Variants in FSIP1 observed in about 807,000 individuals in gnomAD.
FSIP1 encodes fibrous sheath-interacting protein 1.
Under a neutral mutation model 60.9 loss-of-function variants are expected in FSIP1, and 65 were observed. The ratio of observed to expected loss-of-function variants is 1.07; its 90% CI spans 0.87 to 1.31. The LOEUF (loss-of-function observed/expected upper bound fraction) is 1.31, where lower values mean the gene tolerates loss of function less well. FSIP1 is among the 40% of genes most tolerant of loss of function. The probability of loss-of-function intolerance (pLI) is 0.00; values close to 1 mark genes in which losing one functional copy is unlikely to be tolerated. For missense variants in FSIP1, 675 were observed against 665.5 expected, an observed-to-expected ratio of 1.01 and a Z score of -0.16; for synonymous variants, 209 against 221.2, an observed-to-expected ratio of 0.94 and a Z score of 0.49.
intron 9 of FSIP1, among the ~76,000 whole-genome samples, chr15:39,722,208 G>C (rs1052480468): frequency 1.3e-5 from 2 of 151,930 alleles, no homozygotes; most frequent in African/African-American, 2.4e-5. Flanking sequence ...TTCCTTATGA[G>C]AATCTAATAC....
chr15:39,730,535 A>C (rs1325240120), intron 8 of FSIP1, among the ~76,000 whole-genome samples: 1 of 152,220 alleles, frequency 6.6e-6, no homozygotes, highest in Admixed American at 6.5e-5. Context: ...CCTAGGTGAT[A>C]ATCAGAGGCA....
At chr15:39,740,894 T>C (rs866831727) in intron 6 of FSIP1, among the ~76,000 whole-genome samples, 1 of 152,188 alleles carries the variant, frequency 6.6e-6, no homozygotes, top group East Asian at 1.9e-4. Flanking sequence ...TATAAGCTTA[T>C]AACTTAAGTT....
At chr15:39,740,327 G>C (rs1472424781) in intron 6 of FSIP1, among the ~76,000 whole-genome samples, 2 of 152,094 alleles carry the variant, frequency 1.3e-5, no homozygotes, top group East Asian at 3.9e-4. Context: ...ATCTCAGTTG[G>C]CCAATTTTCC....
chr15:39,685,596 A>G (rs1012167808), intron 10 of FSIP1, among the ~76,000 whole-genome samples: 4 of 152,188 alleles, frequency 2.6e-5, no homozygotes, highest in African/African-American at 4.8e-5. Flanking sequence ...ATATGTTTCA[A>G]TTCTGGGTTA....
intron 8 of FSIP1, among the ~76,000 whole-genome samples, chr15:39,736,542 G>A (rs146767653): frequency 3.9e-5 from 6 of 152,304 alleles, no homozygotes; most frequent in East Asian, 1.9e-4. Context: ...GAGGATCCAG[G>A]CAGGCCTGGC....
intron 11 of FSIP1, 48 bp downstream of exon 11, chr15:39,617,687 G>A: frequency 1.3e-6 from 2 of 1,503,004 alleles, no homozygotes; most frequent in Non-Finnish European, 1.8e-6. Context: ...TTTATATTGA[G>A]GTGCTTTTAA....
intron 10 of FSIP1, among the ~76,000 whole-genome samples, chr15:39,685,750 TC>T (rs1244316955): frequency 6.6e-6 from 1 of 152,218 alleles, no homozygotes; most frequent in African/African-American, 2.4e-5. Context: ...TGATCTTTTT[TC>T]TTCTACAGCA....
intron 10 of FSIP1, among the ~76,000 whole-genome samples, chr15:39,622,541 T>C (rs976562701): frequency 1.3e-5 from 2 of 152,248 alleles, no homozygotes; most frequent in Non-Finnish European, 2.9e-5. Flanking sequence ...AGAATAATAA[T>C]AAATAGGTAG....
chr15:39,707,590 A>G (rs1333326996), intron 10 of FSIP1, among the ~76,000 whole-genome samples: 1 of 152,176 alleles, frequency 6.6e-6, no homozygotes, highest in Non-Finnish European at 1.5e-5. Context: ...AAACAAGCTT[A>G]TGTAAATGCC....
chr15:39,717,213 T>C (rs1895776553), intron 9 of FSIP1, among the ~76,000 whole-genome samples: 1 of 152,070 alleles, frequency 6.6e-6, no homozygotes, highest in Non-Finnish European at 1.5e-5. Flanking sequence ...ACTAAAGCCT[T>C]GTACACAAAT....
At chr15:39,677,565 ATCT>A in intron 10 of FSIP1, among the ~76,000 whole-genome samples, 1 of 152,336 alleles carries the variant, frequency 6.6e-6, no homozygotes, top group African/African-American at 2.4e-5. Flanking sequence ...CTAGGAATTT[ATCT>A]GAAGGAAATA....
At chr15:39,757,849 A>G (rs576969980) in intron 5 of FSIP1, among the ~76,000 whole-genome samples, 1 of 152,284 alleles carries the variant, frequency 6.6e-6, no homozygotes, top group East Asian at 1.9e-4. Context: ...TTCACCTAAC[A>G]GTATCTTGTA....
chr15:39,652,781 C>A (rs935935712), intron 10 of FSIP1, among the ~76,000 whole-genome samples: 1 of 152,184 alleles, frequency 6.6e-6, no homozygotes, highest in South Asian at 2.1e-4. Flanking sequence ...GCTACAAACC[C>A]GTACAGCATG....
intron 10 of FSIP1, among the ~76,000 whole-genome samples, chr15:39,628,361 G>A (rs1039088057): frequency 1.3e-5 from 2 of 152,282 alleles, no homozygotes; most frequent in African/African-American, 4.8e-5. Context: ...AAGAGGTCAC[G>A]GCATGTTGTT....
intron 10 of FSIP1, among the ~76,000 whole-genome samples, chr15:39,676,076 G>A (rs1242671113): frequency 6.6e-6 from 1 of 150,690 alleles, no homozygotes; most frequent in Non-Finnish European, 1.5e-5. Context: ...GAAAGGCTGA[G>A]GCAGAAGAAT....
At position 39,773,109 on chromosome 15, in the gene FSIP1, A is replaced by G. The variant is rs114181071; in HGVS notation, c.127-2499T>C. 5.5e-3 allele frequency among the ~76,000 whole-genome samples: 840 copies of G among 152,348 alleles called. 9 individuals are homozygous for G. Among genetic ancestry groups the G allele is most frequent in the African/African-American group, 0.02 (816 of 41,586 alleles). On this transcript the variant is annotated intron_variant, in intron 2 of 11. Transcript: ENST00000350221. ...AATGAGAAATATATTATCACTAAATACATGTCACTAAAACACTAATATTTT... is the reference window on the plus strand; with the variant it reads ...AATGAGAAATATATTATCACTAAATGCATGTCACTAAAACACTAATATTTT...
chr15:39,630,044 G>A (rs1003280477), intron 10 of FSIP1, among the ~76,000 whole-genome samples: 3 of 152,174 alleles, frequency 2.0e-5, no homozygotes, highest in African/African-American at 7.2e-5. Context: ...TTGAGCAAGT[G>A]CTCCTGAAGC....
intron 1 of FSIP1, among the ~76,000 whole-genome samples, chr15:39,777,297 G>A (rs114365894): frequency 0.016 from 2,463 of 151,918 alleles, 36 homozygotes; most frequent in African/African-American, 0.041. Flanking sequence ...CCTCTCCCCC[G>A]TGGGGCTGCA....
chr15:39,773,071 C>T (rs1897942516), intron 2 of FSIP1, among the ~76,000 whole-genome samples: 1 of 151,734 alleles, frequency 6.6e-6, no homozygotes. Context: ...CAACAACAAG[C>T]CAAAATTTTT....
Sources: allele counts gnomAD v4.1 joint callset (sites outside exome capture counted in the v4.1 genomes callset), GRCh38; gene constraint gnomAD v4.1.1; transcripts MANE v1.5; gene names NCBI Gene and HGNC (gene_info 2026-07-23, HGNC 2026-07-21).